Variants in RECK observed in about 807,000 individuals in gnomAD.
RECK encodes the protein reversion-inducing cysteine-rich protein with Kazal motifs.
A neutral mutation model predicts 115.1 loss-of-function variants in RECK; 69 were observed. That is an observed-to-expected ratio of 0.60 (90% CI 0.49 to 0.73). The LOEUF is 0.73. Among genes scored for constraint, RECK ranks in the 30% least tolerant of loss-of-function variants. The pLI is 0.00. For synonymous variants in RECK, 414 were observed against 419.7 expected, an observed-to-expected ratio of 0.99 and a Z score of 0.17; for missense variants, 1,047 against 1,203.7, an observed-to-expected ratio of 0.87 and a Z score of 1.93.
At position 36,063,831 on chromosome 9, in the gene RECK, GCTGCTGTGAACTGGCTATTGC is replaced by G; in HGVS notation, c.311_331del (p.Cys104_Ala110del). On this transcript the variant is annotated inframe_deletion, in exon 5 of 21. Coordinates refer to ENST00000377966, the MANE Select transcript of RECK (RefSeq NM_021111.3). Reference sequence around the variant, plus strand: ...AAGTCTGATGGCTGGGTTGGCTTAGGCTGCTGTGAACTGGCTATTGCCTTGGAGTGTCGACAGGCATGCAAG... The same window carrying G: ...AAGTCTGATGGCTGGGTTGGCTTAGGCTTGGAGTGTCGACAGGCATGCAAG... The G allele has an allele frequency of 6.2e-7, 1 of 1,614,096 alleles. No homozygotes were observed.
chr9:36,087,231 A>G (rs139237704), intron 8 of RECK, among the ~76,000 whole-genome samples: 3,879 of 152,328 alleles, frequency 0.025, 174 homozygotes, highest in African/African-American at 0.087. Flanking sequence ...GCAAAGACTT[A>G]GAACCAACCC....
chr9:36,102,338 A>AATCCCATG, intron 12 of RECK, 108 bp downstream of exon 12: 2 of 919,906 alleles, frequency 2.2e-6, no homozygotes, highest in South Asian at 1.7e-5. Context: ...AGAACATGGG[A>AATCCCATG]TTCAATGATA....
chr9:36,037,762 C>A (rs573875136), intron 1 of RECK, among the ~76,000 whole-genome samples: 1 of 152,090 alleles, frequency 6.6e-6, no homozygotes, highest in Admixed American at 6.5e-5. Context: ...CGTCCAAAAG[C>A]TCTCTCGGTA....
intron 14 of RECK, among the ~76,000 whole-genome samples, chr9:36,109,182 G>A (rs1416103430): frequency 6.6e-6 from 1 of 152,090 alleles, no homozygotes; most frequent in Non-Finnish European, 1.5e-5. Context: ...CTGACTAAAT[G>A]CCTATTCTGT....
At chr9:36,088,278 A>G (rs1823041399) in intron 9 of RECK, among the ~76,000 whole-genome samples, 1 of 152,202 alleles carries the variant, frequency 6.6e-6, no homozygotes, top group African/African-American at 2.4e-5. Flanking sequence ...ACAGTTTAGA[A>G]GATGTTTTGA....
At chr9:36,077,809 G>A (rs1822508035) in intron 6 of RECK, among the ~76,000 whole-genome samples, 1 of 152,090 alleles carries the variant, frequency 6.6e-6, no homozygotes, top group South Asian at 2.1e-4. Context: ...TCAGGTATTG[G>A]GAGACTTTTT....
chr9:36,080,187 A>G (rs1185316466), intron 6 of RECK, among the ~76,000 whole-genome samples: 1 of 152,242 alleles, frequency 6.6e-6, no homozygotes, highest in East Asian at 1.9e-4. Flanking sequence ...TTTGAGAACA[A>G]GTAGAGATAA....
chr9:36,087,563 C>T, intron 8 of RECK, 131 bp from the exon 9 acceptor site: 1 of 888,694 alleles, frequency 1.1e-6, no homozygotes. Context: ...ATGGGTTCAG[C>T]AAACCACCAT....
At chr9:36,107,049 T>TGAGCC (rs1340242072) in intron 13 of RECK, among the ~76,000 whole-genome samples, 1 of 136,228 alleles carries the variant, frequency 7.3e-6, no homozygotes. Flanking sequence ...GAGCTTGCAG[T>TGAGCC]GAGCCGAGAT....
intron 14 of RECK, 100 bp from the exon 15 acceptor site, chr9:36,109,857 G>A: frequency 1.7e-6 from 2 of 1,177,912 alleles, no homozygotes; most frequent in Non-Finnish European, 2.4e-6. Context: ...AAAAAAAAAG[G>A]AATTTCCATT....
intron 3 of RECK, among the ~76,000 whole-genome samples, chr9:36,059,504 T>C (rs1379590554): frequency 1.3e-5 from 2 of 152,160 alleles, no homozygotes; most frequent in Non-Finnish European, 2.9e-5. Context: ...TTTATTATTA[T>C]AGTTTGACTA....
At position 36,036,954 on chromosome 9, in the gene RECK, G is replaced by C. The variant is rs1189004941; in HGVS notation, c.-45G>C. The C allele has an allele frequency of 7.7e-7, 1 of 1,303,690 alleles. No homozygotes were observed. Among genetic ancestry groups the C allele is most frequent in the East Asian group, 3.2e-5 (1 of 31,026 alleles). The allele number at this position is 1,303,690 out of a possible 1,614,324, so 80.8% of individuals were successfully genotyped here. A position where few individuals can be genotyped will look rare whatever the true frequency, so the allele number is the denominator to read the frequency against. The stretch of plus-strand genomic sequence containing the variant: ...TAGCGGCGGCAGCGGCTGCGGCCAA[G>C]CTGGGTCCGAGCATCCCGCGGCTCT... On this transcript the variant is annotated 5_prime_UTR_variant, in exon 1 of 21. Transcript: ENST00000377966.
At chr9:36,101,997 A>C in intron 11 of RECK, 97 bp from the exon 12 acceptor site, 1 of 1,182,812 alleles carries the variant, frequency 8.5e-7, no homozygotes, top group Non-Finnish European at 1.2e-6. Context: ...AAGTTATGAA[A>C]GCTTACTTTC....
chr9:36,104,325 TA>T (rs1157011055), intron 12 of RECK, among the ~76,000 whole-genome samples: 4 of 59,576 alleles, frequency 6.7e-5, no homozygotes, highest in East Asian at 5.1e-4. Context: ...TATATATATA[TA>T]TTTTTTTTTT....
chr9:36,066,450 C>T lies in RECK; in HGVS notation c.405+826C>T, dbSNP rs192247161. ...GAAGGTAGAATAACTCTCTTAACTA[C>T]TTCTAGGTTATAGTTTTTATTTTTT... On this transcript the variant is annotated intron_variant, in intron 6 of 20. Transcript: ENST00000377966. Among the ~76,000 whole-genome samples, 550 of 152,214 alleles carry T rather than the reference C, an allele frequency of 3.6e-3. 5 individuals are homozygous for T. The highest frequency in any genetic ancestry group is 6.0e-3 in the Non-Finnish European group (406 of 67,980).
chr9:36,076,375 T>G (rs1380966660), intron 6 of RECK, among the ~76,000 whole-genome samples: 3 of 152,092 alleles, frequency 2.0e-5, no homozygotes, highest in African/African-American at 7.2e-5. Flanking sequence ...ACCAGCAGAG[T>G]CTACTTCCCA....
rs750957732 is a variant in RECK at position 36,100,407 on chromosome 9, G to C, written c.1162G>C (p.Gly388Arg). The C allele has an allele frequency of 1.9e-6, 3 of 1,614,092 alleles. No homozygotes were observed. The highest frequency in any genetic ancestry group is 2.5e-6 in the Non-Finnish European group (3 of 1,179,996). Residue 388 changes from glycine to arginine, a missense_variant, in exon 11 of 21, where the codon GGA becomes CGA. Gly to Arg is a moderately radical substitution (Grantham distance 125, BLOSUM62 -2). Transcript: ENST00000377966. ...GAATGACATGAAGTTGTGGGAGAAA[G>C]GAAGCATAAAGATGCCATTTATCAA... ...AMNDMKLWEK[G>R]SIKMPFINIP...
At chr9:36,066,947 C>A in intron 6 of RECK, 1 of 1,018,256 alleles carries the variant, frequency 9.8e-7, no homozygotes, top group Non-Finnish European at 1.3e-6. Context: ...CCTAATTTGG[C>A]CTAGAATTAA....
intron 10 of RECK, among the ~76,000 whole-genome samples, chr9:36,099,718 C>A (rs527735249): frequency 6.6e-6 from 1 of 152,164 alleles, no homozygotes; most frequent in Non-Finnish European, 1.5e-5. Flanking sequence ...CTCCTGAGCT[C>A]AAGCTATCTT....
Sources: allele counts gnomAD v4.1 joint callset (sites outside exome capture counted in the v4.1 genomes callset), GRCh38; gene constraint gnomAD v4.1.1; transcripts MANE v1.5; gene names NCBI Gene and HGNC (gene_info 2026-07-23, HGNC 2026-07-21).